Variants in SLC4A4 observed in about 807,000 individuals in gnomAD.
SLC4A4 encodes the protein solute carrier family 4 member 4, also known as electrogenic sodium bicarbonate cotransporter 1.
Under a neutral mutation model 111.5 loss-of-function variants are expected in SLC4A4, and 27 were observed. That is an observed-to-expected ratio of 0.24 (90% CI 0.18 to 0.33). The LOEUF is 0.33. Among genes scored for constraint, SLC4A4 ranks in the 10% least tolerant of loss-of-function variants. The pLI is 1.00. For missense variants in SLC4A4, 909 were observed against 1,315.5 expected (o/e 0.69, Z 4.78); for synonymous variants, 443 against 463.4 (o/e 0.96, Z 0.57).
intron 18 of SLC4A4, among the ~76,000 whole-genome samples, chr4:71,544,625 G>A (rs1255103932): frequency 6.6e-6 from 1 of 152,002 alleles, no homozygotes; most frequent in Non-Finnish European, 1.5e-5. Flanking sequence ...TTCTTCCAAT[G>A]GTTATTTAGT....
intron 3 of SLC4A4, among the ~76,000 whole-genome samples, chr4:71,258,115 G>A (rs745763872): frequency 6.6e-6 from 1 of 152,120 alleles, no homozygotes; most frequent in Non-Finnish European, 1.5e-5. Flanking sequence ...AACCTCAATT[G>A]GGCATCATGG....
At chr4:71,248,690 A>C (rs1359949964) in intron 2 of SLC4A4, among the ~76,000 whole-genome samples, 1 of 152,208 alleles carries the variant, frequency 6.6e-6, no homozygotes, top group Non-Finnish European at 1.5e-5. Context: ...ATCACTGAAC[A>C]TAATAAAGTT....
At chr4:71,125,126 G>A (rs768468711) in intron 2 of SLC4A4, among the ~76,000 whole-genome samples, 14 of 151,998 alleles carry the variant, frequency 9.2e-5, no homozygotes, top group Admixed American at 3.9e-4. Context: ...ATCTGGTTAT[G>A]GACTTATTAT....
rs534208937 is a variant in SLC4A4, at chr4:71,097,799, G to A, written c.-2+5007G>A. Among the ~76,000 whole-genome samples, 13 of 152,032 alleles carry A rather than the reference G, an allele frequency of 8.6e-5. No individual in the cohort carries two copies. In the South Asian group the frequency reaches 2.5e-3, roughly 29 times the overall value. On this transcript the variant is annotated intron_variant, in intron 2 of 26. Coordinates refer to the SLC4A4 transcript ENST00000649996. Reference sequence around the variant, plus strand: ...TAGTGACATAGAGCTTTTTTTCATAGGATTGTTGGCGACATGCATGTCTTC... The same window carrying A: ...TAGTGACATAGAGCTTTTTTTCATAAGATTGTTGGCGACATGCATGTCTTC...
chr4:71,564,426 C>T (rs1428574469), intron 24 of SLC4A4, among the ~76,000 whole-genome samples: 1 of 151,850 alleles, frequency 6.6e-6, no homozygotes, highest in African/African-American at 2.4e-5. Context: ...GCTTTCTAAT[C>T]TCTTCATTCT....
intron 1 of SLC4A4, among the ~76,000 whole-genome samples, chr4:71,189,096 TG>T (rs1290213006): frequency 1.3e-5 from 2 of 151,802 alleles, no homozygotes; most frequent in African/African-American, 4.8e-5. Context: ...TTTGTAGGAG[TG>T]GGGGTGACAA....
chr4:71,372,858 T>C (rs1236966501), intron 6 of SLC4A4, among the ~76,000 whole-genome samples: 2 of 151,960 alleles, frequency 1.3e-5, no homozygotes, highest in Admixed American at 1.3e-4. Context: ...TTTTTTTTTT[T>C]ATTTAATGAA....
intron 1 of SLC4A4, among the ~76,000 whole-genome samples, chr4:71,227,740 G>A (rs1327360187): frequency 6.6e-6 from 1 of 152,166 alleles, no homozygotes; most frequent in African/African-American, 2.4e-5. Context: ...GTGTCATATG[G>A]AGGAGCCCAG....
At position 71,292,715 on chromosome 4, in the gene SLC4A4, A is replaced by G. The variant is rs572608809; in HGVS notation, c.253+37316A>G. 1.0e-3 allele frequency among the ~76,000 whole-genome samples: 156 copies of G among 152,270 alleles called. 1 individual carries two copies. Among genetic ancestry groups the G allele is most frequent in the African/African-American group, 3.7e-3 (154 of 41,542 alleles). Reference sequence around the variant, plus strand: ...AATATAGGATGTATATTGAATTGAAATAATAAATAGGCGGGAAAAAATGAG... The same window carrying G: ...AATATAGGATGTATATTGAATTGAAGTAATAAATAGGCGGGAAAAAATGAG... On this transcript the variant is annotated intron_variant, in intron 3 of 25. Coordinates refer to ENST00000264485, the MANE Select transcript of SLC4A4 (RefSeq NM_001098484.3).
At chr4:71,089,898 G>A (rs12649962) in intron 1 of SLC4A4, among the ~76,000 whole-genome samples, 58,913 of 113,034 alleles carry the variant, frequency 0.52, 17,921 homozygotes, top group East Asian at 0.7. Context: ...CTGTGTGCTG[G>A]GAGAACCACT....
At position 71,508,537 on chromosome 4, in the gene SLC4A4, C is replaced by T. The variant is rs139588044; in HGVS notation, c.2166+10845C>T. ...AAATGGATAAATTCCTGGACACATA[C>T]ACCTTCCCAAGACTGAACCAGGAGA... On this transcript the variant is annotated intron_variant, in intron 16 of 25. Coordinates refer to ENST00000264485, the MANE Select transcript of SLC4A4 (RefSeq NM_001098484.3). 9.0e-3 allele frequency among the ~76,000 whole-genome samples: 1,377 copies of T among 152,220 alleles called. 21 individuals are homozygous for T. Among genetic ancestry groups the T allele is most frequent in the African/African-American group, 0.03 (1,260 of 41,526 alleles).
At chr4:71,424,853 G>A (rs941667112) in intron 7 of SLC4A4, among the ~76,000 whole-genome samples, 3 of 151,994 alleles carry the variant, frequency 2.0e-5, no homozygotes, top group African/African-American at 7.2e-5. Flanking sequence ...GAGTGGCGGG[G>A]GAGGGAGGGA....
chr4:71,421,869 C>T (rs1341664632), intron 7 of SLC4A4, among the ~76,000 whole-genome samples: 1 of 151,728 alleles, frequency 6.6e-6, no homozygotes. Context: ...CACTAAATGC[C>T]CACAAGAGAA....
At chr4:71,315,436 A>G (rs939357549) in intron 3 of SLC4A4, among the ~76,000 whole-genome samples, 1 of 152,168 alleles carries the variant, frequency 6.6e-6, no homozygotes, top group Non-Finnish European at 1.5e-5. Flanking sequence ...ATGATAAGAA[A>G]CTGAAAGGAT....
At chr4:71,141,385 C>G (rs561354907) in intron 2 of SLC4A4, among the ~76,000 whole-genome samples, 3 of 152,188 alleles carry the variant, frequency 2.0e-5, no homozygotes, top group Non-Finnish European at 4.4e-5. Context: ...TTTTAAGGCT[C>G]ATTTTCCACT....
intron 3 of SLC4A4, among the ~76,000 whole-genome samples, chr4:71,259,472 C>T (rs1218603032): frequency 6.6e-6 from 1 of 151,656 alleles, no homozygotes. Flanking sequence ...TGTGTGAGAG[C>T]GTGGTGCACT....
At chr4:71,170,717 A>C (rs576175180) in intron 2 of SLC4A4, among the ~76,000 whole-genome samples, 45 of 152,360 alleles carry the variant, frequency 3.0e-4, no homozygotes, top group South Asian at 6.2e-4. Flanking sequence ...AGTGGAGGAT[A>C]TAAGAAACAT....
chr4:71,069,918 A>C (rs1382583559), intron 1 of SLC4A4, among the ~76,000 whole-genome samples: 1 of 152,202 alleles, frequency 6.6e-6, no homozygotes, highest in African/African-American at 2.4e-5. Context: ...TATGCTTTCC[A>C]AATGTCTCAA....
chr4:71,178,198 A>G (rs1316274917), intron 2 of SLC4A4, among the ~76,000 whole-genome samples: 1 of 152,176 alleles, frequency 6.6e-6, no homozygotes, highest in Non-Finnish European at 1.5e-5. Context: ...AGGGAAATTT[A>G]TAGCACTAAA....
Sources: allele counts gnomAD v4.1 joint callset (sites outside exome capture counted in the v4.1 genomes callset), GRCh38; gene constraint gnomAD v4.1.1; transcripts MANE v1.5; gene names NCBI Gene and HGNC (gene_info 2026-07-23, HGNC 2026-07-21).